Variants in HDAC4 observed in about 807,000 individuals in gnomAD.
HDAC4 encodes the protein histone deacetylase A.
HDAC4 carries 16 observed loss-of-function variants against 135.1 expected under a neutral mutation model. The ratio of observed to expected loss-of-function variants is 0.12; its 90% CI spans 0.08 to 0.18. HDAC4 has a LOEUF of 0.18. Ranked by LOEUF, HDAC4 falls within the 10% of genes least tolerant of loss-of-function variation. The pLI, the probability that HDAC4 is intolerant of heterozygous loss-of-function variation, is 1.00. For missense variants in HDAC4, 1,143 were observed against 1,511.8 expected, an observed-to-expected ratio of 0.76 and a Z score of 4.05; for synonymous variants, 685 against 653.4, an observed-to-expected ratio of 1.05 and a Z score of -0.74.
intron 1 of HDAC4, among the ~76,000 whole-genome samples, chr2:239,367,978 A>G (rs1472259631): frequency 2.0e-5 from 3 of 152,062 alleles, no homozygotes; most frequent in African/African-American, 7.3e-5. Flanking sequence ...ACTCCGTCTC[A>G]AAATAAATAA....
intron 1 of HDAC4, among the ~76,000 whole-genome samples, chr2:239,367,433 A>C (rs1694294306): frequency 6.6e-6 from 1 of 152,198 alleles, no homozygotes; most frequent in African/African-American, 2.4e-5. Flanking sequence ...GTTTCAAATG[A>C]GTAAGCACGT....
chr2:239,084,264 G>T (rs1175122331), intron 19 of HDAC4, 22 bp from the exon 20 acceptor site: 1 of 1,581,576 alleles, frequency 6.3e-7, no homozygotes. Context: ...AACTGACGCT[G>T]GAGACGAAGC....
intron 22 of HDAC4, among the ~76,000 whole-genome samples, chr2:239,077,973 C>G (rs1265046701): frequency 2.0e-5 from 3 of 152,196 alleles, no homozygotes; most frequent in African/African-American, 7.2e-5. Flanking sequence ...TTGAGAAGAT[C>G]CAGTTTCAGA....
chr2:239,373,160 G>A (rs188794651), intron 1 of HDAC4, among the ~76,000 whole-genome samples: 2 of 152,286 alleles, frequency 1.3e-5, no homozygotes. Context: ...ATCAGGACAT[G>A]TGAGCAGAAC....
intron 22 of HDAC4, 37 bp downstream of exon 22, chr2:239,081,058 T>A (rs773374369): frequency 1.4e-6 from 2 of 1,479,962 alleles, no homozygotes; most frequent in East Asian, 4.5e-5. Flanking sequence ...GAGGAAAAGC[T>A]GCTACTTCAG....
chr2:239,054,691 TG>T, intron 25 of HDAC4, 57 bp downstream of exon 25: 1 of 1,046,186 alleles, frequency 9.6e-7, no homozygotes, highest in Non-Finnish European at 1.5e-6. Flanking sequence ...GGATGGGGTG[TG>T]GTGCAGTCCC....
intron 2 of HDAC4, among the ~76,000 whole-genome samples, chr2:239,314,863 G>A (rs577761489): frequency 7.2e-4 from 109 of 152,272 alleles, no homozygotes; most frequent in African/African-American, 2.6e-3. Context: ...CAAGCCAAGG[G>A]CATTCCAACA....
At chr2:239,084,985 A>G (rs954949497) in intron 19 of HDAC4, among the ~76,000 whole-genome samples, 1 of 150,048 alleles carries the variant, frequency 6.7e-6, no homozygotes, top group African/African-American at 2.5e-5. Context: ...ACACACACAT[A>G]TACACATAAG....
At chr2:239,160,311 C>T (rs892659785) in intron 6 of HDAC4, among the ~76,000 whole-genome samples, 13 of 152,240 alleles carry the variant, frequency 8.5e-5, no homozygotes, top group Non-Finnish European at 1.3e-4. Context: ...ATTCCATGCT[C>T]TGCATCTATG....
chr2:239,277,476 T>C (rs908032870), intron 2 of HDAC4, among the ~76,000 whole-genome samples: 1 of 152,214 alleles, frequency 6.6e-6, no homozygotes, highest in Non-Finnish European at 1.5e-5. Flanking sequence ...AACATGTTTA[T>C]GGTCTCTGCG....
intron 2 of HDAC4, among the ~76,000 whole-genome samples, chr2:239,270,358 G>A (rs1348694101): frequency 2.0e-5 from 3 of 152,174 alleles, no homozygotes; most frequent in East Asian, 1.9e-4. Context: ...GCTGCCCCCC[G>A]ATGTATTCAA....
intron 12 of HDAC4, among the ~76,000 whole-genome samples, chr2:239,119,133 G>A (rs182124989): frequency 1.4e-4 from 22 of 152,300 alleles, no homozygotes; most frequent in Admixed American, 7.2e-4. Flanking sequence ...CCCAGGGCCC[G>A]GTGCAGTCTG....
At chr2:239,096,180 G>C (rs189661206) in intron 16 of HDAC4, among the ~76,000 whole-genome samples, 2 of 152,090 alleles carry the variant, frequency 1.3e-5, no homozygotes, top group Admixed American at 6.5e-5. Context: ...AGGGCTTGCC[G>C]GCCCGGTTAG....
chr2:239,175,648 A>C (rs2152998626), intron 5 of HDAC4, among the ~76,000 whole-genome samples: 1 of 152,336 alleles, frequency 6.6e-6, no homozygotes, highest in East Asian at 1.9e-4. Context: ...GCTGGCCCTC[A>C]CTGGGCCGTG....
chr2:239,297,033 A>G, intron 2 of HDAC4, among the ~76,000 whole-genome samples: 1 of 149,250 alleles, frequency 6.7e-6, no homozygotes, highest in African/African-American at 2.4e-5. Context: ...CATGTAAAAA[A>G]AAAAAAAAAA....
intron 2 of HDAC4, among the ~76,000 whole-genome samples, chr2:239,239,292 A>G (rs1440617770): frequency 1.3e-5 from 2 of 152,224 alleles, no homozygotes; most frequent in East Asian, 3.8e-4. Flanking sequence ...CAAAACTCAG[A>G]AAAACACTTT....
chr2:239,225,954 C>T (rs576188906), intron 3 of HDAC4, among the ~76,000 whole-genome samples: 17 of 152,250 alleles, frequency 1.1e-4, no homozygotes, highest in Admixed American at 3.9e-4. Context: ...GGTGTTGGTA[C>T]GGCGAAAACA....
At chr2:239,390,823 G>A (rs560790381) in intron 1 of HDAC4, among the ~76,000 whole-genome samples, 1 of 152,314 alleles carries the variant, frequency 6.6e-6, no homozygotes, top group African/African-American at 2.4e-5. Context: ...GCCACACCCG[G>A]TAGCCCTCTG....
At chr2:239,249,627 C>T (rs984980494) in intron 2 of HDAC4, among the ~76,000 whole-genome samples, 6 of 152,090 alleles carry the variant, frequency 3.9e-5, no homozygotes, top group African/African-American at 1.4e-4. Flanking sequence ...GTCAATGGTT[C>T]AAAATTCAAG....
Sources: gnomAD v4.1 joint callset for allele counts (sites outside exome capture counted in the v4.1 genomes callset) on GRCh38, gnomAD v4.1.1 for gene constraint, MANE v1.5 for transcripts, NCBI Gene and HGNC (gene_info 2026-07-23, HGNC 2026-07-21) for gene names.